Variants in CD22 observed in about 807,000 individuals in gnomAD.
CD22 encodes CD22 molecule.
In CD22, 51 loss-of-function variants were observed where a neutral mutation model predicts 94.7. The ratio of observed to expected loss-of-function variants is 0.54; its 90% CI spans 0.43 to 0.68. The LOEUF is 0.68. CD22 is among the 30% of genes least tolerant of loss of function. CD22 has a pLI of 0.00. For missense variants in CD22, 931 were observed against 1,060.4 expected, an observed-to-expected ratio of 0.88 and a Z score of 1.69; for synonymous variants, 424 against 422.5, an observed-to-expected ratio of 1.00 and a Z score of -0.04.
chr19:35,342,603 C>T (rs1179300802), intron 9 of CD22, among the ~76,000 whole-genome samples: 1 of 152,074 alleles, frequency 6.6e-6, no homozygotes, highest in Non-Finnish European at 1.5e-5. Context: ...AGGCCATCTG[C>T]CGCTGTGCTG....
rs71167534 is a variant in CD22, at chr19:35,342,007, G to GTCCTTCCTTCCTTCCT, written c.2035+76_2035+91dup. 752 of 1,028,930 alleles carry GTCCTTCCTTCCTTCCT rather than the reference G, an allele frequency of 7.3e-4. 1 individual carries two copies. Among genetic ancestry groups the GTCCTTCCTTCCTTCCT allele is most frequent in the East Asian group, 1.6e-3 (61 of 37,764 alleles). 63.7% of individuals were successfully genotyped at this position (1,028,930 alleles called of 1,614,324 possible). ...CTCTTGTTCTTCTTGGTGGTGGTCA[G>GTCCTTCCTTCCTTCCT]TCCTTCCTTCCTTCCTTCCTTCCTT... On this transcript the variant is annotated intron_variant, in intron 9 of 13. Transcript: ENST00000085219.
At position 35,341,505 on chromosome 19, in the gene CD22, AT is replaced by A; in HGVS notation, c.1674del (p.Phe558LeufsTer16). 1 of 1,614,150 alleles carries A rather than the reference AT, an allele frequency of 6.2e-7. No individual in the cohort carries two copies. Among genetic ancestry groups the A allele is most frequent in the Non-Finnish European group, 8.5e-7 (1 of 1,180,016 alleles). On this transcript the variant is annotated frameshift_variant, in exon 8 of 14. Transcript: ENST00000085219. LOFTEE classifies it high-confidence loss of function. The surrounding 1 kb of genome is among the most constrained non-coding windows in gnomAD (Gnocchi z 4.0). ...GRLLGKESQL[N>X]FDSISPEDAG... ...CTTCTGGGGAAAGAAAGCCAGCTGA[AT>A]TTTGACTCCATCTCCCCAGAAGATG...
Position 35,341,591 on chromosome 19 carries a change from A to G in CD22, c.1756A>G (p.Thr586Ala), listed in dbSNP as rs1387549583. The change falls in exon 8 of 14, where the codon ACA becomes GCA. Residue 586 changes from threonine to alanine, a missense_variant. Physicochemically the swap from Thr to Ala is moderately conservative, Grantham distance 58. Transcript: ENST00000085219. The surrounding 1 kb of genome is among the most constrained non-coding windows in gnomAD (Gnocchi z 4.0). ...AGGACAGACAGCGTCCAAGGCCTGGACACTTGAAGTGCTGTGTGAGTGAGG... is the reference window on the plus strand; with the variant it reads ...AGGACAGACAGCGTCCAAGGCCTGGGCACTTGAAGTGCTGTGTGAGTGAGG... ...SIGQTASKAW[T>A]LEVLYAPRRL... 1.9e-6 allele frequency: 3 copies of G among 1,611,670 alleles called. No homozygotes were observed. In the Admixed American group the frequency reaches 5.0e-5, roughly 27 times the overall value.
In CD22 at chr19:35,338,402, G is replaced by A. The variant is rs372182588; in HGVS notation, c.1220G>A (p.Arg407Lys). The A allele has an allele frequency of 8.1e-6, 13 of 1,613,858 alleles. No homozygotes were observed. The highest frequency in any genetic ancestry group is 1.3e-5 in the African/African-American group (1 of 74,908). The change falls in exon 6 of 14, where the codon AGG becomes AAG. Residue 407 changes from arginine to lysine, a missense_variant. Arg to Lys is a conservative substitution (Grantham distance 26). Coordinates refer to ENST00000085219, the MANE Select transcript of CD22 (RefSeq NM_001771.4). ...VAENILGTGQ[R>K]GPGAELDVQY... ...GAAAACATTCTTGGTACTGGACAGA[G>A]GGGCCCGGGAGCTGAGCTGGATGTC...
intron 3 of CD22, among the ~76,000 whole-genome samples, chr19:35,335,077 CAA>C (rs35391333): frequency 0.33 from 23,891 of 72,448 alleles, 1,532 homozygotes; most frequent in South Asian, 0.4. Flanking sequence ...GACTCTGTCT[CAA>C]AAAAAAAAAA....
chr19:35,346,198 A>G lies in CD22; in HGVS notation c.2375A>G (p.Asp792Gly), dbSNP rs995445726. The change falls in exon 13 of 14, where the codon GAC (aspartate) becomes GGC (glycine). Residue 792 changes from aspartate (D) to glycine (G), a missense_variant. Coordinates refer to ENST00000085219, the MANE Select transcript of CD22 (RefSeq NM_001771.4). ...CAGAGACCTCCCCCGGACTGCGATGACACGGTCACTTATTCAGCATTGCAC... is the reference window on the plus strand; with the variant it reads ...CAGAGACCTCCCCCGGACTGCGATGGCACGGTCACTTATTCAGCATTGCAC... ...EMQRPPPDCDDTVTYSALHKR... is the reference protein window; with the variant it reads ...EMQRPPPDCDGTVTYSALHKR... 17 of 1,613,956 alleles carry G rather than the reference A, an allele frequency of 1.1e-5. No individual in the cohort carries two copies. Among genetic ancestry groups the G allele is most frequent in the Non-Finnish European group, 1.4e-5 (16 of 1,179,984 alleles).
At chr19:35,338,622 G>GT (rs1459764714) in intron 6 of CD22, among the ~76,000 whole-genome samples, 191 bp downstream of exon 6, 60 of 151,780 alleles carry the variant, frequency 4.0e-4, no homozygotes, top group African/African-American at 1.4e-3. Flanking sequence ...GTAGATGCTT[G>GT]TTTTTTTGTG....
At chr19:35,339,159 C>T (rs1015485977) in intron 6 of CD22, among the ~76,000 whole-genome samples, 1 of 152,030 alleles carries the variant, frequency 6.6e-6, no homozygotes, top group Admixed American at 6.6e-5. Context: ...TCACTTGAGC[C>T]CAGGAAGTGA....
rs1568483510 is a variant in CD22, at chr19:35,332,025, A to G, written c.-16A>G. ...CAAACTCTCCCCTGCTCAGGCTTGC[A>G]CCCAGACACGACACCATGCATCTCC... On this transcript the variant is annotated 5_prime_UTR_variant, in exon 2 of 14. Transcript: ENST00000085219. 1 of 1,613,706 alleles carries G rather than the reference A, an allele frequency of 6.2e-7. No individual in the cohort carries two copies. Among genetic ancestry groups the G allele is most frequent in the African/African-American group, 1.3e-5 (1 of 74,960 alleles).
intron 3 of CD22, among the ~76,000 whole-genome samples, chr19:35,334,379 G>T (rs939869888): frequency 1.7e-4 from 26 of 152,074 alleles, no homozygotes; most frequent in Non-Finnish European, 3.7e-4. Context: ...CATGCATGGA[G>T]GAAGGAAAGG....
chr19:35,341,639 G>C lies in CD22; in HGVS notation c.1771+33G>C. ...AGGGCCGGAGGCTGGGAGTGGAGCA[G>C]AGAAGGGACCAGTGGCCTGCCTGGT... On this transcript the variant is annotated intron_variant, in intron 8 of 13. Coordinates refer to ENST00000085219, the MANE Select transcript of CD22 (RefSeq NM_001771.4). This position sits in a 1 kb window ranked among gnomAD's most constrained non-coding sequence, Gnocchi z 4.0. 6.2e-7 allele frequency: 1 copy of C among 1,607,668 alleles called. No individual in the cohort carries two copies.
In CD22 at chr19:35,332,872, G is replaced by T; in HGVS notation, c.360G>T (p.Arg120Ser). ...HLNDSGQLGL[R>S]MESKTEKWME... ...ATGACAGTGGTCAGCTGGGGCTGAG[G>T]ATGGAGTCCAAGACTGAGAAATGGA... The change falls in exon 3 of 14, where the codon AGG becomes AGT. Residue 120 changes from arginine (R) to serine (S), a missense_variant. Arg to Ser is a moderately radical substitution (Grantham distance 110, BLOSUM62 -1). Transcript: ENST00000085219. 1 of 1,614,216 alleles carries T rather than the reference G, an allele frequency of 6.2e-7. No individual in the cohort carries two copies. The highest frequency in any genetic ancestry group is 8.5e-7 in the Non-Finnish European group (1 of 1,180,038).
chr19:35,346,795 T>A lies in CD22; in HGVS notation c.*98T>A. On this transcript the variant is annotated 3_prime_UTR_variant, in exon 14 of 14. Transcript: ENST00000085219. ...GCCACATGGCTTCCTCCTGCGCGCA[T>A]GTGCGCACACACACACACACACGCA... 9.3e-7 allele frequency: 1 copy of A among 1,079,704 alleles called. No homozygotes were observed. The highest frequency in any genetic ancestry group is 1.3e-6 in the Non-Finnish European group (1 of 751,932). 66.9% of individuals were successfully genotyped at this position (1,079,704 alleles called of 1,614,324 possible).
intron 9 of CD22, among the ~76,000 whole-genome samples, chr19:35,343,469 AC>A (rs969683754): frequency 6.6e-6 from 1 of 151,768 alleles, no homozygotes; most frequent in African/African-American, 2.4e-5. Context: ...GTGCCTATAT[AC>A]CCTTCCTCAT....
Position 35,346,152 on chromosome 19 carries a change from G to A in CD22, c.2329G>A (p.Asp777Asn). The A allele has an allele frequency of 6.2e-7, 1 of 1,612,424 alleles. No individual in the cohort carries two copies. The highest frequency in any genetic ancestry group is 8.5e-7 in the Non-Finnish European group (1 of 1,178,548). ...FPEMNIPRTGDAESSEMQRPP... is the reference protein window; with the variant it reads ...FPEMNIPRTGNAESSEMQRPP... ...TCGTCTATCTGCCCTGTCTCTCAGA[G>A]ATGCAGAGTCCTCAGAGATGCAGAG... The change falls in exon 13 of 14, where the codon GAT becomes AAT. Residue 777 changes from aspartate to asparagine, a missense_variant and splice_region_variant. Physicochemically the swap from Asp to Asn is conservative, Grantham distance 23 (BLOSUM62 1). Coordinates refer to ENST00000085219, the MANE Select transcript of CD22 (RefSeq NM_001771.4).
In CD22 at chr19:35,346,615, A is replaced by G. The variant is rs201664517; in HGVS notation, c.2462A>G (p.His821Arg). 2 of 1,606,792 alleles carry G rather than the reference A, an allele frequency of 1.2e-6. No individual in the cohort carries two copies. The highest frequency in any genetic ancestry group is 2.2e-5 in the East Asian group (1 of 44,758). ...GATTTTCCAGAAGATGAGGGGATTC[A>G]TTACTCAGAGCTGATCCAGTTTGGG... ...IPDFPEDEGI[H>R]YSELIQFGVG... The change falls in exon 14 of 14, where the codon CAT (histidine) becomes CGT (arginine). Residue 821 changes from histidine (H) to arginine (R), a missense_variant. Coordinates refer to ENST00000085219, the MANE Select transcript of CD22 (RefSeq NM_001771.4).
chr19:35,337,832 G>A lies in CD22; in HGVS notation c.796G>A (p.Glu266Lys), dbSNP rs138631884. 1.7e-5 allele frequency: 28 copies of A among 1,613,748 alleles called. No individual in the cohort carries two copies. The highest frequency in any genetic ancestry group is 1.6e-4 in the East Asian group (7 of 44,882). Residue 266 changes from glutamate to lysine, a missense_variant, in exon 5 of 14, where the codon GAG becomes AAG. Physicochemically the swap from Glu to Lys is moderately conservative, Grantham distance 56. Coordinates refer to ENST00000085219, the MANE Select transcript of CD22 (RefSeq NM_001771.4). The surrounding 1 kb of genome is among the most constrained non-coding windows in gnomAD (Gnocchi z 4.4). ...GGGGGACTCTGTGACCATGACCTGC[G>A]AGGTCAGCAGCAGCAACCCGGAGTA... ...REGDSVTMTC[E>K]VSSSNPEYTT...
chr19:35,345,981 T>A (rs1209185265), intron 12 of CD22, among the ~76,000 whole-genome samples, 170 bp from the exon 13 acceptor site: 1 of 152,180 alleles, frequency 6.6e-6, no homozygotes, highest in African/African-American at 2.4e-5. Flanking sequence ...GCCTACTCCC[T>A]CCACGCACAT....
At chr19:35,332,511 G>A (rs986366746) in intron 2 of CD22, 36 bp from the exon 3 acceptor site, 1 of 1,531,918 alleles carries the variant, frequency 6.5e-7, no homozygotes, top group Non-Finnish European at 8.8e-7. Flanking sequence ...AGGCTCTCAT[G>A]CCCCCTTAGT....
Sources: allele counts gnomAD v4.1 joint callset (sites outside exome capture counted in the v4.1 genomes callset), GRCh38; gene constraint gnomAD v4.1.1; non-coding constraint Gnocchi (gnomAD v3.1); transcripts MANE v1.5; gene names NCBI Gene and HGNC (gene_info 2026-07-23, HGNC 2026-07-21).